LRP1B: variants seen among roughly 807,000 people sequenced by gnomAD.
The protein encoded by LRP1B is LDL receptor related protein 1B.
In LRP1B, 217 loss-of-function variants were observed where a neutral mutation model predicts 556.6. The observed-to-expected ratio is 0.39, with a 90% CI of 0.35 to 0.44. The LOEUF (loss-of-function observed/expected upper bound fraction) is 0.44, where lower values mean the gene tolerates loss of function less well. Ranked by LOEUF, LRP1B falls within the 20% of genes least tolerant of loss-of-function variation. LRP1B has a pLI of 1.00. For missense variants in LRP1B, 5,053 were observed against 5,620.8 expected (o/e 0.90, Z 3.23); for synonymous variants, 2,047 against 1,865.8 (o/e 1.10, Z -2.50).
At chr2:141,044,823 G>T (rs1698818241) in intron 11 of LRP1B, among the ~76,000 whole-genome samples, 1 of 150,572 alleles carries the variant, frequency 6.6e-6, no homozygotes, top group African/African-American at 2.4e-5. Context: ...CTGTTGGTGG[G>T]ACTGTAAACT....
At chr2:141,399,025 G>T (rs1234773512) in intron 3 of LRP1B, among the ~76,000 whole-genome samples, 2 of 152,130 alleles carry the variant, frequency 1.3e-5, no homozygotes, top group African/African-American at 4.8e-5. Context: ...GGAGGCAGAG[G>T]TGGGCAGATC....
intron 72 of LRP1B, among the ~76,000 whole-genome samples, chr2:140,362,972 T>C (rs1271284612): frequency 6.6e-6 from 1 of 151,626 alleles, no homozygotes. Flanking sequence ...ATTGAATGAA[T>C]GAATGAATGA....
intron 2 of LRP1B, among the ~76,000 whole-genome samples, chr2:141,722,938 G>A (rs1011148602): frequency 2.6e-5 from 4 of 152,082 alleles, no homozygotes; most frequent in African/African-American, 4.8e-5. Flanking sequence ...TACCATATTC[G>A]TCCAGTCTTA....
At chr2:141,799,571 TC>T in intron 2 of LRP1B, among the ~76,000 whole-genome samples, 1 of 152,206 alleles carries the variant, frequency 6.6e-6, no homozygotes, top group South Asian at 2.1e-4. Flanking sequence ...GGCTGATTCT[TC>T]CTCACACCCT....
intron 7 of LRP1B, among the ~76,000 whole-genome samples, chr2:141,151,478 T>C (rs909732846): frequency 1.3e-5 from 2 of 152,172 alleles, no homozygotes; most frequent in Non-Finnish European, 2.9e-5. Flanking sequence ...CATCAGCTGA[T>C]ACTACATCTA....
chr2:140,351,942 C>G (rs914286514), intron 76 of LRP1B, among the ~76,000 whole-genome samples: 1 of 152,010 alleles, frequency 6.6e-6, no homozygotes, highest in Non-Finnish European at 1.5e-5. Flanking sequence ...GCCACACAGT[C>G]TAAAAGGTGC....
At chr2:141,845,395 C>T (rs765084679) in intron 1 of LRP1B, among the ~76,000 whole-genome samples, 3 of 151,904 alleles carry the variant, frequency 2.0e-5, no homozygotes, top group Admixed American at 1.3e-4. Flanking sequence ...ATATCAAATA[C>T]GTTTCCAGTT....
At chr2:141,382,744 T>C (rs1197859282) in intron 3 of LRP1B, among the ~76,000 whole-genome samples, 16 of 152,214 alleles carry the variant, frequency 1.1e-4, no homozygotes, top group Non-Finnish European at 2.1e-4. Context: ...TAATTTTCCT[T>C]GAGCAAGTTG....
chr2:141,112,777 A>G (rs1047247514), intron 7 of LRP1B, among the ~76,000 whole-genome samples: 2 of 152,220 alleles, frequency 1.3e-5, no homozygotes, highest in Non-Finnish European at 1.5e-5. Context: ...TACTGAATGG[A>G]ACTACTGCAA....
At chr2:141,782,514 C>CT (rs5834867) in intron 2 of LRP1B, among the ~76,000 whole-genome samples, 27,083 of 97,246 alleles carry the variant, frequency 0.28, 4,851 homozygotes, top group East Asian at 0.42. Context: ...TTCTATTTTC[C>CT]TTTTTTTTTT....
At chr2:141,631,659 T>C (rs1688913976) in intron 2 of LRP1B, among the ~76,000 whole-genome samples, 1 of 152,042 alleles carries the variant, frequency 6.6e-6, no homozygotes, top group South Asian at 2.1e-4. Flanking sequence ...GGAAAGTTAC[T>C]TTGTAAGGAC....
At chr2:141,499,424 G>A (rs1325874333) in intron 2 of LRP1B, among the ~76,000 whole-genome samples, 1 of 152,034 alleles carries the variant, frequency 6.6e-6, no homozygotes, top group Non-Finnish European at 1.5e-5. Context: ...CATTGGCCCT[G>A]TCTGGTTCTT....
chr2:142,128,887 T>C (rs1707753240), intron 1 of LRP1B, among the ~76,000 whole-genome samples: 1 of 152,234 alleles, frequency 6.6e-6, no homozygotes, highest in South Asian at 2.1e-4. Flanking sequence ...GTGGGGTCTG[T>C]ATTTTTTATG....
intron 7 of LRP1B, among the ~76,000 whole-genome samples, chr2:141,131,942 C>T (rs1054898493): frequency 1.3e-5 from 2 of 151,798 alleles, no homozygotes; most frequent in Non-Finnish European, 2.9e-5. Context: ...ATCACCCGAG[C>T]AGTATACGTT....
intron 83 of LRP1B, among the ~76,000 whole-genome samples, chr2:140,313,681 T>C (rs1480368290): frequency 2.6e-5 from 4 of 151,908 alleles, no homozygotes; most frequent in Non-Finnish European, 5.9e-5. Flanking sequence ...CTAAAGGAGA[T>C]ATTATGTGTG....
intron 1 of LRP1B, among the ~76,000 whole-genome samples, chr2:142,128,283 C>A (rs1707727022): frequency 6.6e-6 from 1 of 152,136 alleles, no homozygotes; most frequent in African/African-American, 2.4e-5. Context: ...CTACCTATTA[C>A]ACAATAAGTA....
intron 60 of LRP1B, among the ~76,000 whole-genome samples, chr2:140,467,562 G>A (rs1401715752): frequency 2.1e-5 from 3 of 145,534 alleles, no homozygotes; most frequent in African/African-American, 7.6e-5. Flanking sequence ...GCAGTGAGTC[G>A]AGATCAAGCC....
At chr2:141,693,633 CTG>C (rs926193810) in intron 2 of LRP1B, among the ~76,000 whole-genome samples, 28 of 152,138 alleles carry the variant, frequency 1.8e-4, no homozygotes, top group Non-Finnish European at 3.1e-4. Flanking sequence ...TTTGTGCACA[CTG>C]TGTGCAAATT....
chr2:141,927,813 T>C (rs1285335643), intron 1 of LRP1B, among the ~76,000 whole-genome samples: 1 of 151,084 alleles, frequency 6.6e-6, no homozygotes, highest in Non-Finnish European at 1.5e-5. Flanking sequence ...GTCTTCTGCT[T>C]TTCCCCATCT....
Sources: allele counts gnomAD v4.1 joint callset (sites outside exome capture counted in the v4.1 genomes callset), GRCh38; gene constraint gnomAD v4.1.1; transcripts MANE v1.5; gene names NCBI Gene and HGNC (gene_info 2026-07-23, HGNC 2026-07-21).